Variants in CHD9 observed in about 807,000 individuals in gnomAD.
The protein encoded by CHD9 is chromodomain helicase DNA binding protein 9.
Under a neutral mutation model 316.1 loss-of-function variants are expected in CHD9, and 77 were observed. That is an observed-to-expected ratio of 0.24 (90% CI 0.20 to 0.29). CHD9 has a LOEUF of 0.29. Among genes scored for constraint, CHD9 ranks in the 10% least tolerant of loss-of-function variants. CHD9 has a pLI of 1.00. For synonymous variants in CHD9, 1,129 were observed against 1,158.3 expected (o/e 0.97, Z 0.51); for missense variants, 2,763 against 3,438.1 (o/e 0.80, Z 4.91).
chr16:53,253,047 G>A (rs537893159), intron 17 of CHD9, among the ~76,000 whole-genome samples: 22 of 152,016 alleles, frequency 1.4e-4, no homozygotes, highest in African/African-American at 4.1e-4. Flanking sequence ...CTCACTACTG[G>A]GTATCTACTA....
intron 32 of CHD9, among the ~76,000 whole-genome samples, chr16:53,306,758 G>T (rs1464688906): frequency 6.6e-6 from 1 of 151,932 alleles, no homozygotes; most frequent in Admixed American, 6.6e-5. Flanking sequence ...TACATTCAGT[G>T]GAAGAAGAAA....
rs1366702818 is a variant in CHD9 at position 53,283,341 on chromosome 16, T to A, written c.4968-2255T>A. On this transcript the variant is annotated intron_variant, in intron 24 of 38. Coordinates refer to ENST00000447540, the MANE Select transcript of CHD9 (RefSeq NM_001308319.2). ...GAATGAATGATCTACCCTGGGGAAG[T>A]TAAAGGAGGCTTTATGCAAGAGATG... Among the ~76,000 whole-genome samples, 4 of 152,332 alleles carry A rather than the reference T, an allele frequency of 2.6e-5. No individual in the cohort carries two copies. The East Asian group carries it at 5.8e-4, about 22-fold the overall frequency.
At chr16:53,183,694 G>A (rs900397301) in intron 2 of CHD9, among the ~76,000 whole-genome samples, 4 of 152,066 alleles carry the variant, frequency 2.6e-5, no homozygotes, top group Non-Finnish European at 5.9e-5. Flanking sequence ...TGAGAGGGTC[G>A]CTTGAGGCCA....
At chr16:53,082,841 C>T (rs1465030164) in intron 1 of CHD9, among the ~76,000 whole-genome samples, 3 of 152,238 alleles carry the variant, frequency 2.0e-5, no homozygotes, top group Admixed American at 6.5e-5. Flanking sequence ...TTCCAGGATA[C>T]GTTCCCAGCT....
chr16:53,178,235 G>A (rs1042398261), intron 2 of CHD9, among the ~76,000 whole-genome samples: 1 of 152,094 alleles, frequency 6.6e-6, no homozygotes, highest in Non-Finnish European at 1.5e-5. Flanking sequence ...CTTGTCAAAT[G>A]TAAAAGCCGG....
chr16:53,302,532 A>G (rs968571112), intron 30 of CHD9, among the ~76,000 whole-genome samples: 2 of 152,236 alleles, frequency 1.3e-5, no homozygotes, highest in African/African-American at 4.8e-5. Flanking sequence ...GTGTAAAATT[A>G]CTGTAATTAA....
At chr16:53,144,480 T>C (rs1597138345) in intron 1 of CHD9, among the ~76,000 whole-genome samples, 1 of 152,134 alleles carries the variant, frequency 6.6e-6, no homozygotes, top group East Asian at 1.9e-4. Context: ...TTTGTCCTAC[T>C]TTAAAAATGT....
intron 16 of CHD9, among the ~76,000 whole-genome samples, chr16:53,248,767 C>G (rs1436566051): frequency 6.6e-6 from 1 of 151,986 alleles, no homozygotes; most frequent in Admixed American, 6.6e-5. Flanking sequence ...AGCAGTTCTT[C>G]CACCTCAGCC....
chr16:53,165,262 G>A (rs909047287), intron 2 of CHD9, among the ~76,000 whole-genome samples: 11 of 152,068 alleles, frequency 7.2e-5, no homozygotes, highest in African/African-American at 2.7e-4. Context: ...GTAATTTTAG[G>A]TTTTATTATA....
chr16:53,270,170 T>TC (rs1026715231), intron 22 of CHD9, among the ~76,000 whole-genome samples: 1 of 149,492 alleles, frequency 6.7e-6, no homozygotes, highest in African/African-American at 2.5e-5. Context: ...AATTTTTTTT[T>TC]TTTTTTTTTT....
chr16:53,313,712 AGGCC>A (rs2056658444), intron 34 of CHD9, among the ~76,000 whole-genome samples: 1 of 151,940 alleles, frequency 6.6e-6, no homozygotes, highest in Non-Finnish European at 1.5e-5. Context: ...TGGGAGGCCG[AGGCC>A]GAGGCCGGTG....
At chr16:53,254,132 G>A (rs1030056172) in intron 17 of CHD9, among the ~76,000 whole-genome samples, 7 of 152,172 alleles carry the variant, frequency 4.6e-5, no homozygotes, top group Non-Finnish European at 7.4e-5. Flanking sequence ...AGCCAAGATC[G>A]CACGACTGCA....
intron 1 of CHD9, among the ~76,000 whole-genome samples, chr16:53,085,228 CTTTTTTTTT>C (rs888297957): frequency 2.0e-5 from 3 of 149,234 alleles, no homozygotes; most frequent in East Asian, 2.0e-4. Flanking sequence ...CTTTGATCAT[CTTTTTTTTT>C]TTTTTTTTTT....
At chr16:53,098,304 C>T (rs12920502) in intron 1 of CHD9, among the ~76,000 whole-genome samples, 64,523 of 150,986 alleles carry the variant, frequency 0.43, 14,468 homozygotes, top group East Asian at 0.58. Context: ...GGTGAAACCT[C>T]GTCTCTACTA....
At position 53,157,157 on chromosome 16, in the gene CHD9, T is replaced by G; in HGVS notation, c.1068T>G (p.Pro356=). ...QGNYSNSKLS[P]VHMNFPDPVD... is the part of the protein sequence containing the mutation. ...ATTATAGCAATTCAAAATTATCTCC[T>G]GTGCACATGAACTTCCCAGATCCTG... The change falls in exon 2 of 39, where the codon CCT becomes CCG. Residue 356 remains proline, a synonymous_variant. Coordinates refer to ENST00000447540, the MANE Select transcript of CHD9 (RefSeq NM_001308319.2). 1.2e-6 allele frequency: 2 copies of G among 1,609,674 alleles called. No individual in the cohort carries two copies. Among genetic ancestry groups the G allele is most frequent in the Non-Finnish European group, 1.7e-6 (2 of 1,177,574 alleles).
At chr16:53,134,694 T>C (rs371697672) in intron 1 of CHD9, among the ~76,000 whole-genome samples, 1 of 152,232 alleles carries the variant, frequency 6.6e-6, no homozygotes, top group Non-Finnish European at 1.5e-5. Flanking sequence ...TTTATTCCTT[T>C]CTTTTAGAAA....
intron 27 of CHD9, among the ~76,000 whole-genome samples, chr16:53,291,472 C>T (rs984655814): frequency 6.6e-6 from 1 of 152,106 alleles, no homozygotes; most frequent in East Asian, 1.9e-4. Context: ...AAGAAACTAG[C>T]TTAACAGTAA....
intron 35 of CHD9, 52 bp downstream of exon 35, chr16:53,314,568 A>C: frequency 1.5e-6 from 2 of 1,369,680 alleles, no homozygotes; most frequent in Non-Finnish European, 2.0e-6. Context: ...ATTCAATCCT[A>C]ATAAATATAC....
chr16:53,227,587 G>A lies in CHD9; in HGVS notation c.2152G>A (p.Val718Ile). The change falls in exon 7 of 39, where the codon GTA (valine) becomes ATA (isoleucine). Residue 718 changes from valine (V) to isoleucine (I), a missense_variant. This residue lies in a region of CHD9 where 859 missense variants were observed against 890.4 expected (regional missense o/e 0.96). Coordinates refer to ENST00000447540, the MANE Select transcript of CHD9 (RefSeq NM_001308319.2). Reference protein sequence around the residue: ...GVMIDTEEFFVKYKNYSYLHC... With the variant: ...GVMIDTEEFFIKYKNYSYLHC... ...GATGATTGATACAGAAGAATTTTTT[G>A]TAAAATACAAGAATTAGTAAGTATT... 1 of 1,314,556 alleles carries A rather than the reference G, an allele frequency of 7.6e-7. No homozygotes were observed. The highest frequency in any genetic ancestry group is 1.0e-6 in the Non-Finnish European group (1 of 977,444). 81.4% of individuals were successfully genotyped at this position (1,314,556 alleles called of 1,614,324 possible).
Sources: allele counts gnomAD v4.1 joint callset (sites outside exome capture counted in the v4.1 genomes callset), GRCh38; gene constraint gnomAD v4.1.1; regional missense constraint gnomAD v4.1.1; transcripts MANE v1.5; gene names NCBI Gene and HGNC (gene_info 2026-07-23, HGNC 2026-07-21).